The following TLDC2 variants were observed in gnomAD, a reference collection of about 807,000 sequenced individuals.
TLDC2 encodes TLD domain-containing protein 2.
TLDC2 carries 23 observed loss-of-function variants against 27.9 expected under a neutral mutation model. The observed-to-expected ratio is 0.82, with a 90% CI of 0.59 to 1.17. The LOEUF is 1.17. TLDC2 is among the 50% of genes most tolerant of loss of function. The pLI, the probability that TLDC2 is intolerant of heterozygous loss-of-function variation, is 0.00. For synonymous variants in TLDC2, 124 were observed against 107.4 expected (o/e 1.16, Z -0.96); for missense variants, 286 against 273.4 (o/e 1.05, Z -0.32).
chr20:36,877,909 TG>T lies in TLDC2; in HGVS notation c.46del (p.Glu16ArgfsTer34). ...RWRYTRLPSQ[V>X]EDTLSGEEGN... ...TTTGTGTTTTTGCAGCCCAGCCAGGTGGAGGACACCCTGTCTGGGGAGGAGG... is the reference window on the plus strand; with the variant it reads ...TTTGTGTTTTTGCAGCCCAGCCAGGTGAGGACACCCTGTCTGGGGAGGAGG... On this transcript the variant is annotated frameshift_variant, in exon 2 of 7. Coordinates refer to ENST00000217320, the MANE Select transcript of TLDC2 (RefSeq NM_080628.3). LOFTEE classifies it high-confidence loss of function. 1 of 1,612,806 alleles carries T rather than the reference TG, an allele frequency of 6.2e-7. No individual in the cohort carries two copies. Among genetic ancestry groups the T allele is most frequent in the Non-Finnish European group, 8.5e-7 (1 of 1,179,544 alleles).
chr20:36,884,018 C>T (rs753932130), intron 4 of TLDC2, among the ~76,000 whole-genome samples: 5 of 152,116 alleles, frequency 3.3e-5, no homozygotes, highest in Admixed American at 6.6e-5. Flanking sequence ...CTCTTGAACC[C>T]GGGAGGTGGA....
rs1990126611 is a variant in TLDC2, at chr20:36,893,336, G to A, written c.*492G>A. The A allele has an allele frequency of 3.8e-6, 2 of 522,862 alleles. No individual in the cohort carries two copies. Among genetic ancestry groups the A allele is most frequent in the Non-Finnish European group, 6.9e-6 (2 of 291,030 alleles). The allele number at this position is 522,862 out of a possible 1,614,324, so 32.4% of individuals were successfully genotyped here. Reference sequence around the variant, plus strand: ...CAGCATACCACTGCCCACCTCTATGGCCTCCTTCACACACCTTCACGGAGC... The same window carrying A: ...CAGCATACCACTGCCCACCTCTATGACCTCCTTCACACACCTTCACGGAGC... On this transcript the variant is annotated 3_prime_UTR_variant, in exon 7 of 7. Coordinates refer to ENST00000217320, the MANE Select transcript of TLDC2 (RefSeq NM_080628.3).
intron 4 of TLDC2, among the ~76,000 whole-genome samples, chr20:36,886,632 G>C (rs983327794): frequency 2.6e-5 from 4 of 151,872 alleles, no homozygotes; most frequent in South Asian, 2.1e-4. Flanking sequence ...GATAGGGGAG[G>C]GTCTTACTAT....
rs1245365387 is a variant in TLDC2 at position 36,892,892 on chromosome 20, G to A, written c.*48G>A. On this transcript the variant is annotated 3_prime_UTR_variant, in exon 7 of 7. Transcript: ENST00000217320. ...TATGATTGAAGCCTCTAAATGAATTGTGCAGGAGAGGGAGTTTGTAAACAA... is the reference window on the plus strand; with the variant it reads ...TATGATTGAAGCCTCTAAATGAATTATGCAGGAGAGGGAGTTTGTAAACAA... 3 of 1,611,862 alleles carry A rather than the reference G, an allele frequency of 1.9e-6. No homozygotes were observed. The highest frequency in any genetic ancestry group is 2.5e-6 in the Non-Finnish European group (3 of 1,178,056).
intron 4 of TLDC2, among the ~76,000 whole-genome samples, chr20:36,881,544 T>G (rs932402477): frequency 6.6e-6 from 1 of 151,756 alleles, no homozygotes; most frequent in Admixed American, 6.6e-5. Flanking sequence ...GGTTGTGAGG[T>G]TAGGACGCCG....
rs11480944 is a variant in TLDC2, at chr20:36,884,875, C to CTTT, written c.439-2562_439-2560dup. 7.6e-4 allele frequency among the ~76,000 whole-genome samples: 78 copies of CTTT among 103,226 alleles called. 5 individuals carry two copies. The highest frequency in any genetic ancestry group is 1.5e-3 in the African/African-American group (39 of 26,174). The allele number at this position is 103,226 out of a possible 152,430, so 67.7% of individuals were successfully genotyped here. A position where few individuals can be genotyped will look rare whatever the true frequency, so the allele number is the denominator to read the frequency against. ...TTTGCCATCATTTAACACAGAAATT[C>CTTT]TTTTTTTTTTTTTTTTTTTTGAGAC... On this transcript the variant is annotated intron_variant, in intron 4 of 6. Coordinates refer to ENST00000217320, the MANE Select transcript of TLDC2 (RefSeq NM_080628.3).
chr20:36,889,538 A>G, intron 6 of TLDC2, 135 bp downstream of exon 6: 1 of 1,094,342 alleles, frequency 9.1e-7, no homozygotes, highest in Non-Finnish European at 1.3e-6. Context: ...TGGGGACCCA[A>G]GATACAGGTG....
intron 4 of TLDC2, among the ~76,000 whole-genome samples, chr20:36,884,797 A>AAATT: frequency 6.7e-6 from 1 of 150,026 alleles, no homozygotes; most frequent in South Asian, 2.1e-4. Flanking sequence ...ATAAATAAAT[A>AAATT]AAATGACAAC....
Position 36,878,206 on chromosome 20 carries a change from G to A in TLDC2, c.189+152G>A, listed in dbSNP as rs981748005. Reference sequence around the variant, plus strand: ...TCCGGCAAATTGCTTCTTCTCTCGGGGCTTTGCTTTCCCTTCTTGTAAAAT... The same window carrying A: ...TCCGGCAAATTGCTTCTTCTCTCGGAGCTTTGCTTTCCCTTCTTGTAAAAT... On this transcript the variant is annotated intron_variant, in intron 2 of 6. Transcript: ENST00000217320. 1.6e-5 allele frequency: 14 copies of A among 854,414 alleles called. No homozygotes were observed. In the African/African-American group the frequency reaches 2.3e-4, roughly 14 times the overall value. The allele number at this position is 854,414 out of a possible 1,614,324, so 52.9% of individuals were successfully genotyped here.
chr20:36,893,564 A>G lies in TLDC2; in HGVS notation c.*720A>G. On this transcript the variant is annotated 3_prime_UTR_variant, in exon 7 of 7. Coordinates refer to ENST00000217320, the MANE Select transcript of TLDC2 (RefSeq NM_080628.3). ...GGTCCCATCAGCATAGGCTCCAGCC[A>G]AAGAAGCTCCTCCACCCAAAATAAG... The G allele has an allele frequency of 3.5e-6, 1 of 284,238 alleles. No homozygotes were observed. The highest frequency in any genetic ancestry group is 1.4e-4 in the South Asian group (1 of 7,294). 17.6% of individuals were successfully genotyped at this position (284,238 alleles called of 1,614,324 possible). A position where few individuals can be genotyped will look rare whatever the true frequency, so the allele number is the denominator to read the frequency against.
Position 36,876,286 on chromosome 20 carries a change from T to G in TLDC2, c.33+79T>G, listed in dbSNP as rs1349675791. On this transcript the variant is annotated intron_variant, in intron 1 of 6. Transcript: ENST00000217320. ...GTCTCTGGCAGGGTGGGGCCTGGGC[T>G]AGGGTTGGATGCGGGCAGTGACTTG... 38 of 1,585,294 alleles carry G rather than the reference T, an allele frequency of 2.4e-5. No homozygotes were observed. In the East Asian group the frequency reaches 8.5e-4, roughly 35 times the overall value.
At chr20:36,886,192 G>A (rs1204178712) in intron 4 of TLDC2, among the ~76,000 whole-genome samples, 2 of 152,158 alleles carry the variant, frequency 1.3e-5, no homozygotes, top group Non-Finnish European at 2.9e-5. Context: ...GCAGTGGTGC[G>A]ATCATAGCTC....
chr20:36,877,982 T>A lies in TLDC2; in HGVS notation c.117T>A (p.Ala39=). 6.2e-7 allele frequency: 1 copy of A among 1,614,128 alleles called. No homozygotes were observed. The change falls in exon 2 of 7, where the codon GCT becomes GCA. Residue 39 remains alanine (A), a synonymous_variant. Transcript: ENST00000217320. ...AGGAGGCAGCTCCAGACCCAGCTGC[T>A]GCTCCTGAGGATCCCACGGTGCCCC... The part of the protein sequence containing the change: ...EEEEAAPDPA[A]APEDPTVPQL...
At chr20:36,876,674 C>CACACACTCAA (rs1453150715) in intron 1 of TLDC2, among the ~76,000 whole-genome samples, 2 of 150,326 alleles carry the variant, frequency 1.3e-5, no homozygotes, top group African/African-American at 4.9e-5. Context: ...CACACACACT[C>CACACACTCAA]ACACACTCAA....
At chr20:36,880,570 C>A in intron 3 of TLDC2, 85 bp from the exon 4 acceptor site, 1 of 1,153,896 alleles carries the variant, frequency 8.7e-7, no homozygotes, top group Non-Finnish European at 1.3e-6. Flanking sequence ...CTAGGATGAG[C>A]CTGTATTACT....
At chr20:36,880,772 G>T in intron 4 of TLDC2, 22 bp downstream of exon 4, 4 of 1,606,924 alleles carry the variant, frequency 2.5e-6, no homozygotes, top group Non-Finnish European at 3.4e-6. Context: ...AACCTTCCAT[G>T]GGGGGAGTGG....
chr20:36,893,257 G>A lies in TLDC2; in HGVS notation c.*413G>A, dbSNP rs575702712. 318 of 663,742 alleles carry A rather than the reference G, an allele frequency of 4.8e-4. No homozygotes were observed. Among genetic ancestry groups the A allele is most frequent in the Non-Finnish European group, 4.7e-4 (183 of 388,702 alleles). 41.1% of individuals were successfully genotyped at this position (663,742 alleles called of 1,614,324 possible). A position where few individuals can be genotyped will look rare whatever the true frequency, so the allele number is the denominator to read the frequency against. Reference sequence around the variant, plus strand: ...CAAATTAGAAACACTACAGTCTTACGCAGGAAGAGCCTTCATGAAAACAGC... The same window carrying A: ...CAAATTAGAAACACTACAGTCTTACACAGGAAGAGCCTTCATGAAAACAGC... On this transcript the variant is annotated 3_prime_UTR_variant, in exon 7 of 7. Coordinates refer to ENST00000217320, the MANE Select transcript of TLDC2 (RefSeq NM_080628.3).
intron 4 of TLDC2, among the ~76,000 whole-genome samples, chr20:36,884,707 G>A (rs1989882940): frequency 6.6e-6 from 1 of 151,376 alleles, no homozygotes; most frequent in Non-Finnish European, 1.5e-5. Flanking sequence ...GCAGTGAGCT[G>A]TCATTGCTCA....
intron 4 of TLDC2, among the ~76,000 whole-genome samples, chr20:36,881,918 C>T (rs1333878592): frequency 2.0e-5 from 3 of 152,162 alleles, no homozygotes; most frequent in Non-Finnish European, 4.4e-5. Flanking sequence ...CTGGTGAGGA[C>T]AAATTCTCAG....
Sources: allele counts gnomAD v4.1 joint callset (sites outside exome capture counted in the v4.1 genomes callset), GRCh38; gene constraint gnomAD v4.1.1; transcripts MANE v1.5; gene names NCBI Gene and HGNC (gene_info 2026-07-23, HGNC 2026-07-21).